GABRA3: variants seen among roughly 807,000 people sequenced by gnomAD.
GABRA3 encodes the protein gamma-aminobutyric acid type A receptor subunit alpha3.
A neutral mutation model predicts 30.1 loss-of-function variants in GABRA3; 10 were observed. The observed-to-expected ratio is 0.33, with a 90% CI of 0.20 to 0.56. The LOEUF is 0.56. Among genes scored for constraint, GABRA3 ranks in the 20% least tolerant of loss-of-function variants. GABRA3 has a pLI of 0.89. For missense variants in GABRA3, 233 were observed against 392.0 expected (o/e 0.59, Z 3.42); for synonymous variants, 151 against 146.8 (o/e 1.03, Z -0.21).
chrX:152,320,514 C>G (rs766802085), intron 3 of GABRA3, among the ~76,000 whole-genome samples: 29 of 111,152 alleles, frequency 2.6e-4, no homozygotes, highest in Non-Finnish European at 2.1e-4. Flanking sequence ...TAAATGGGAG[C>G]TAAACTATGA....
At chrX:152,276,300 C>T (rs1037269038) in intron 4 of GABRA3, among the ~76,000 whole-genome samples, 1 of 111,399 alleles carries the variant, frequency 9.0e-6, no homozygotes, top group African/African-American at 3.3e-5. Flanking sequence ...CAGAAAAATG[C>T]AAACAAAATA....
intron 5 of GABRA3, among the ~76,000 whole-genome samples, chrX:152,237,375 A>G (rs1437731221): frequency 9.4e-6 from 1 of 106,620 alleles, no homozygotes; most frequent in Non-Finnish European, 1.9e-5. Flanking sequence ...TGGTACCAGT[A>G]CCATGCTGTT....
intron 3 of GABRA3, among the ~76,000 whole-genome samples, chrX:152,292,658 T>G: frequency 8.9e-6 from 1 of 112,171 alleles, no homozygotes; most frequent in Non-Finnish European, 1.9e-5. Flanking sequence ...TGATTTTAGA[T>G]CTTTCCTGCT....
chrX:152,199,221 C>G (rs1162926304), intron 7 of GABRA3, among the ~76,000 whole-genome samples: 1 of 106,955 alleles, frequency 9.3e-6, no homozygotes, highest in Non-Finnish European at 2.0e-5. Context: ...AAAATATTAG[C>G]CGGGTGTGGT....
intron 1 of GABRA3, among the ~76,000 whole-genome samples, chrX:152,374,470 C>T (rs1409122043): frequency 1.9e-5 from 2 of 107,716 alleles, no homozygotes; most frequent in African/African-American, 6.8e-5. Context: ...CCTGCCTCAG[C>T]CTCCCGAGTA....
At chrX:152,327,383 A>C (rs1954121920) in intron 3 of GABRA3, among the ~76,000 whole-genome samples, 1 of 111,776 alleles carries the variant, frequency 8.9e-6, no homozygotes, top group South Asian at 3.8e-4. Flanking sequence ...TCCACCCCAA[A>C]TCAACAGAAT....
chrX:152,240,636 C>T (rs1456253362), intron 5 of GABRA3, among the ~76,000 whole-genome samples: 10 of 98,410 alleles, frequency 1.0e-4, no homozygotes, highest in Non-Finnish European at 2.0e-4. Flanking sequence ...GTACATCAAT[C>T]AGACGTAGAT....
At chrX:152,326,256 T>C (rs1768924644) in intron 3 of GABRA3, among the ~76,000 whole-genome samples, 2 of 111,243 alleles carry the variant, frequency 1.8e-5, no homozygotes, top group African/African-American at 3.3e-5. Flanking sequence ...ATGGGGAGAA[T>C]GGAACCAAGT....
chrX:152,415,715 G>A (rs2124533464), intron 1 of GABRA3, among the ~76,000 whole-genome samples: 2 of 111,412 alleles, frequency 1.8e-5, no homozygotes, highest in East Asian at 2.8e-4. Flanking sequence ...CCCATTGGGT[G>A]ACTCTAAGTA....
Position 152,167,149 on chromosome X carries a change from T to C in GABRA3, c.*1079A>G, listed in dbSNP as rs1182042455. The C allele has an allele frequency of 1.8e-5, 2 of 110,789 alleles. No individual in the cohort carries two copies. Among genetic ancestry groups the C allele is most frequent in the African/African-American group, 6.6e-5 (2 of 30,422 alleles). The allele number at this position is 110,789 out of a possible 1,213,427, so 9.1% of individuals were successfully genotyped here. On this transcript the variant is annotated 3_prime_UTR_variant, in exon 10 of 10. Coordinates refer to ENST00000370314, the MANE Select transcript of GABRA3 (RefSeq NM_000808.4). ...AACAGAGGACCGGAGGTTCCCGATA[T>C]GGTGGGAGAAAAGTGCCTGGGCCAG...
At chrX:152,290,711 C>G (rs1939395413) in intron 3 of GABRA3, among the ~76,000 whole-genome samples, 1 of 111,916 alleles carries the variant, frequency 8.9e-6, no homozygotes, top group African/African-American at 3.3e-5. Context: ...AGGAGGGATC[C>G]AATTTCAACT....
intron 1 of GABRA3, among the ~76,000 whole-genome samples, chrX:152,371,717 T>A (rs1380179145): frequency 9.0e-6 from 1 of 111,384 alleles, no homozygotes; most frequent in Admixed American, 9.6e-5. Context: ...CCTCATACTA[T>A]CTATATCAAT....
chrX:152,419,303 T>TA (rs1002889606), intron 1 of GABRA3, among the ~76,000 whole-genome samples: 1 of 106,982 alleles, frequency 9.3e-6, no homozygotes, highest in Non-Finnish European at 1.9e-5. Context: ...CAAAATAAAA[T>TA]AAAAAATAAA....
intron 3 of GABRA3, among the ~76,000 whole-genome samples, chrX:152,296,972 A>G (rs1939541474): frequency 1.8e-5 from 2 of 111,638 alleles, no homozygotes; most frequent in Non-Finnish European, 3.8e-5. Flanking sequence ...TGCTGAGATT[A>G]CAGGCATGAG....
At chrX:152,294,987 C>T (rs1395432907) in intron 3 of GABRA3, among the ~76,000 whole-genome samples, 1 of 111,108 alleles carries the variant, frequency 9.0e-6, no homozygotes, top group Non-Finnish European at 1.9e-5. Context: ...CCCTGTTTGC[C>T]TGGGTATCAC....
chrX:152,209,847 A>G (rs1937613658), intron 6 of GABRA3, among the ~76,000 whole-genome samples: 3 of 112,705 alleles, frequency 2.7e-5, no homozygotes, highest in African/African-American at 9.7e-5. Flanking sequence ...TATTTTTTAT[A>G]TCTGTGCTCT....
At chrX:152,371,447 G>A (rs1399288716) in intron 1 of GABRA3, among the ~76,000 whole-genome samples, 2 of 110,937 alleles carry the variant, frequency 1.8e-5, no homozygotes, top group East Asian at 2.9e-4. Context: ...ACCCCCACAT[G>A]TGTCCTGGAT....
At position 152,349,554 on chromosome X, in the gene GABRA3, G is replaced by T. The variant is rs771000814; in HGVS notation, c.141-3852C>A. On this transcript the variant is annotated intron_variant, in intron 2 of 9. Transcript: ENST00000370314. Reference sequence around the variant, plus strand: ...AGACCCATGAGTGTGCTGTATTCAGGAAACCCATCTCACGTGCAAAGACAC... The same window carrying T: ...AGACCCATGAGTGTGCTGTATTCAGTAAACCCATCTCACGTGCAAAGACAC... Among the ~76,000 whole-genome samples, 499 of 109,168 alleles carry T rather than the reference G, an allele frequency of 4.6e-3. 3 individuals are homozygous for T. The highest frequency in any genetic ancestry group is 0.016 in the African/African-American group (472 of 29,785). The allele number at this position is 109,168 out of a possible 115,157, so 94.8% of individuals were successfully genotyped here.
intron 3 of GABRA3, among the ~76,000 whole-genome samples, chrX:152,326,885 T>C (rs961714679): frequency 5.4e-5 from 6 of 110,895 alleles, no homozygotes; most frequent in Non-Finnish European, 1.1e-4. Flanking sequence ...GGCTAAATGC[T>C]CCAATTGAAA....
Sources: gnomAD v4.1 joint callset for allele counts (sites outside exome capture counted in the v4.1 genomes callset) on GRCh38, gnomAD v4.1.1 for gene constraint, MANE v1.5 for transcripts, NCBI Gene and HGNC (gene_info 2026-07-23, HGNC 2026-07-21) for gene names.